The following NDUFAF5 variants were observed in gnomAD, a reference collection of about 807,000 sequenced individuals.
The protein encoded by NDUFAF5 is arginine-hydroxylase NDUFAF5, mitochondrial.
A neutral mutation model predicts 48.9 loss-of-function variants in NDUFAF5; 34 were observed. That is an observed-to-expected ratio of 0.70 (90% confidence interval 0.53 to 0.93). The LOEUF (loss-of-function observed/expected upper bound fraction) is 0.93, where lower values mean the gene tolerates loss of function less well. Ranked by LOEUF, NDUFAF5 falls within the 40% of genes least tolerant of loss-of-function variation. The pLI, the probability that NDUFAF5 is intolerant of heterozygous loss-of-function variation, is 0.00. For missense variants in NDUFAF5, 428 were observed against 427.5 expected (o/e 1.00, Z -0.01); for synonymous variants, 153 against 150.6 (o/e 1.02, Z -0.12).
chr20:13,785,369 C>T (rs1980848135), intron 1 of NDUFAF5, 79 bp downstream of exon 1: 1 of 1,258,608 alleles, frequency 7.9e-7, no homozygotes, highest in East Asian at 2.5e-5. Context: ...CGGCTAGGCC[C>T]CGAGCTCACC....
chr20:13,787,919 A>G (rs1009983434), intron 2 of NDUFAF5, among the ~76,000 whole-genome samples: 3 of 152,032 alleles, frequency 2.0e-5, no homozygotes, highest in African/African-American at 7.2e-5. Context: ...ATGGCCTACA[A>G]TTAGATGTCT....
intron 1 of NDUFAF5, 32 bp downstream of exon 1, chr20:13,785,322 G>C: frequency 6.5e-7 from 1 of 1,547,354 alleles, no homozygotes; most frequent in Non-Finnish European, 8.8e-7. Context: ...GCGGCGGGGC[G>C]GGCGACGCGG....
In NDUFAF5 at chr20:13,786,811, C is replaced by T. The variant is rs562645476; in HGVS notation, c.223-501C>T. Among the ~76,000 whole-genome samples, 5 of 152,250 alleles carry T rather than the reference C, an allele frequency of 3.3e-5. No individual in the cohort carries two copies. The East Asian group carries it at 7.7e-4, about 23-fold the overall frequency. On this transcript the variant is annotated intron_variant, in intron 1 of 10. Transcript: ENST00000378106. ...GGAGGTGCACTTTCCTCAGATTTGG[C>T]TTTTTCTAACTTGCGAATGTCACTC...
intron 8 of NDUFAF5, 138 bp downstream of exon 8, chr20:13,809,040 G>T (rs1392018016): frequency 1.5e-6 from 1 of 674,910 alleles, no homozygotes; most frequent in Non-Finnish European, 2.7e-6. Context: ...GGGATCCATT[G>T]TTGAGGAGAA....
intron 5 of NDUFAF5, among the ~76,000 whole-genome samples, chr20:13,796,611 C>T (rs550200473): frequency 2.6e-5 from 4 of 152,224 alleles, no homozygotes; most frequent in East Asian, 1.9e-4. Flanking sequence ...AAAGTGTGAC[C>T]GTACTCTAAG....
intron 3 of NDUFAF5, among the ~76,000 whole-genome samples, chr20:13,792,699 A>G (rs1322175883): frequency 6.6e-6 from 1 of 152,170 alleles, no homozygotes; most frequent in Non-Finnish European, 1.5e-5. Context: ...AGGGGGAAAG[A>G]AAGTGTTTTT....
At chr20:13,808,951 A>G (rs1310288300) in intron 8 of NDUFAF5, 49 bp downstream of exon 8, 1 of 1,292,020 alleles carries the variant, frequency 7.7e-7, no homozygotes, top group Admixed American at 1.7e-5. Flanking sequence ...AGGTAGGCCA[A>G]AAAAAAAGAA....
At chr20:13,790,572 T>G (rs903774804) in intron 3 of NDUFAF5, among the ~76,000 whole-genome samples, 3 of 152,192 alleles carry the variant, frequency 2.0e-5, no homozygotes, top group African/African-American at 4.8e-5. Flanking sequence ...TGGCAAAGTA[T>G]CCTCGTAAAA....
At chr20:13,811,971 C>G (rs1985925703) in intron 8 of NDUFAF5, among the ~76,000 whole-genome samples, 1 of 152,164 alleles carries the variant, frequency 6.6e-6, no homozygotes, top group South Asian at 2.1e-4. Flanking sequence ...AAATAAGTAT[C>G]TAGTCTTTAC....
chr20:13,793,467 C>G (rs182178894), intron 4 of NDUFAF5, among the ~76,000 whole-genome samples: 2 of 152,142 alleles, frequency 1.3e-5, no homozygotes, highest in African/African-American at 2.4e-5. Context: ...TCCCCGCCCC[C>G]CCAACACACA....
chr20:13,806,806 A>C (rs554200404), intron 7 of NDUFAF5, among the ~76,000 whole-genome samples: 2 of 152,338 alleles, frequency 1.3e-5, no homozygotes, highest in East Asian at 3.9e-4. Flanking sequence ...AAAAGCATAC[A>C]CAACCTGATA....
intron 7 of NDUFAF5, 101 bp from the exon 8 acceptor site, chr20:13,808,741 A>G (rs1985429545): frequency 6.9e-6 from 5 of 723,412 alleles, no homozygotes; most frequent in Non-Finnish European, 1.2e-5. Flanking sequence ...TTTTTTGCTT[A>G]GCATGGGAGA....
chr20:13,787,065 A>ATGTGTG (rs71188187), intron 1 of NDUFAF5: 197 of 508,386 alleles, frequency 3.9e-4, no homozygotes, highest in African/African-American at 2.9e-3. Flanking sequence ...ACATATATAT[A>ATGTGTG]TGTGTGTGTG....
At position 13,797,115 on chromosome 20, in the gene NDUFAF5, G is replaced by A. The variant is rs186869270; in HGVS notation, c.480-1346G>A. Among the ~76,000 whole-genome samples, 12 of 152,298 alleles carry A rather than the reference G, an allele frequency of 7.9e-5. 1 individual carries two copies. Among genetic ancestry groups the A allele is most frequent in the Admixed American group, 4.6e-4 (7 of 15,302 alleles). Reference sequence around the variant, plus strand: ...CCAGGACACTGACAACACTAAATGCGACAAGGATGTGGAGTTCATTATTGG... The same window carrying A: ...CCAGGACACTGACAACACTAAATGCAACAAGGATGTGGAGTTCATTATTGG... On this transcript the variant is annotated intron_variant, in intron 5 of 10. Coordinates refer to ENST00000378106, the MANE Select transcript of NDUFAF5 (RefSeq NM_024120.5).
chr20:13,808,709 T>G, intron 7 of NDUFAF5, 133 bp from the exon 8 acceptor site: 1 of 630,384 alleles, frequency 1.6e-6, no homozygotes, highest in South Asian at 1.8e-5. Context: ...CCAGATGACA[T>G]CTATGAAGAA....
chr20:13,809,110 G>A (rs1985492719), intron 8 of NDUFAF5: 1 of 583,030 alleles, frequency 1.7e-6, no homozygotes, highest in South Asian at 2.0e-5. Context: ...CCAGGCAGCT[G>A]TCACAGAGAT....
At chr20:13,814,032 G>A (rs534042568) in intron 8 of NDUFAF5, 1 of 192,466 alleles carries the variant, frequency 5.2e-6, no homozygotes, top group Non-Finnish European at 1.1e-5. Context: ...ATGAGGAAGG[G>A]AAGACTAGAG....
Position 13,817,363 on chromosome 20 carries a change from T to C in NDUFAF5, c.*153T>C. On this transcript the variant is annotated 3_prime_UTR_variant, in exon 11 of 11. Coordinates refer to ENST00000378106, the MANE Select transcript of NDUFAF5 (RefSeq NM_024120.5). ...GGAAAACCTAATATCACATCTATAG[T>C]AACCATTTCAGTTTCATATTGTTTC... 1.4e-6 allele frequency: 1 copy of C among 726,060 alleles called. No homozygotes were observed. The highest frequency in any genetic ancestry group is 2.5e-6 in the Non-Finnish European group (1 of 399,758). 45.0% of individuals were successfully genotyped at this position (726,060 alleles called of 1,614,324 possible).
chr20:13,803,933 G>C (rs1004655248), intron 7 of NDUFAF5, among the ~76,000 whole-genome samples: 2 of 152,070 alleles, frequency 1.3e-5, no homozygotes, highest in African/African-American at 4.8e-5. Context: ...TTACAGGCAC[G>C]TGCCACCACG....
Sources: allele counts gnomAD v4.1 joint callset (sites outside exome capture counted in the v4.1 genomes callset), GRCh38; gene constraint gnomAD v4.1.1; transcripts MANE v1.5; gene names NCBI Gene and HGNC (gene_info 2026-07-23, HGNC 2026-07-21).